NF1: variants seen among roughly 807,000 people sequenced by gnomAD.
NF1 encodes the protein neurofibromin.
In NF1, 122 loss-of-function variants were observed where a neutral mutation model predicts 325.7. The observed-to-expected ratio is 0.37, with a 90% confidence interval of 0.32 to 0.44. NF1 has a LOEUF of 0.44. NF1 is among the 20% of genes least tolerant of loss of function. The probability of loss-of-function intolerance (pLI) is 1.00; values close to 1 mark genes in which losing one functional copy is unlikely to be tolerated. For missense variants in NF1, 2,140 were observed against 3,415.4 expected (o/e 0.63, Z 9.31); for synonymous variants, 1,091 against 1,186.0 (o/e 0.92, Z 1.65).
At chr17:31,332,328 G>C (rs2069522773) in intron 39 of NF1, among the ~76,000 whole-genome samples, 1 of 151,964 alleles carries the variant, frequency 6.6e-6, no homozygotes, top group African/African-American at 2.4e-5. Flanking sequence ...GCCGGGCTCG[G>C]TGGTACATGC....
At chr17:31,108,758 A>T (rs567764519) in intron 1 of NF1, among the ~76,000 whole-genome samples, 3 of 152,300 alleles carry the variant, frequency 2.0e-5, no homozygotes, top group South Asian at 2.1e-4. Flanking sequence ...TATAAAAACA[A>T]CTCAATTAGG....
intron 36 of NF1, among the ~76,000 whole-genome samples, chr17:31,289,902 A>T (rs1018033209): frequency 1.3e-5 from 2 of 150,988 alleles, no homozygotes; most frequent in African/African-American, 4.9e-5. Flanking sequence ...TACCTTCCCC[A>T]TCGTTGGTTT....
At chr17:31,137,071 G>A (rs1046427745) in intron 1 of NF1, 4 of 152,068 alleles carry the variant, frequency 2.6e-5, no homozygotes, top group African/African-American at 9.7e-5. Flanking sequence ...TGACATAATT[G>A]CCTTTATTTT....
intron 8 of NF1, among the ~76,000 whole-genome samples, chr17:31,189,550 C>A (rs1307002621): frequency 6.6e-6 from 1 of 152,130 alleles, no homozygotes; most frequent in Non-Finnish European, 1.5e-5. Flanking sequence ...GCCTCACTCG[C>A]AGCCCTTGGC....
intron 8 of NF1, among the ~76,000 whole-genome samples, chr17:31,199,851 G>A (rs1423377328): frequency 3.3e-5 from 5 of 152,130 alleles, no homozygotes; most frequent in African/African-American, 1.2e-4. Flanking sequence ...ATTCAAAGTT[G>A]AAGGCTAGGT....
chr17:31,224,967 G>T, intron 16 of NF1, 128 bp from the exon 17 acceptor site: 1 of 909,182 alleles, frequency 1.1e-6, no homozygotes, highest in East Asian at 2.4e-5. Context: ...TCTCCTTCAA[G>T]TTGGGGCATA....
chr17:31,267,771 A>G (rs2067817538), intron 36 of NF1, among the ~76,000 whole-genome samples: 1 of 152,138 alleles, frequency 6.6e-6, no homozygotes, highest in Non-Finnish European at 1.5e-5. Flanking sequence ...ATATCTTCAA[A>G]TCAACCTCCT....
In NF1 at chr17:31,374,017, C is replaced by G. The variant is rs1060503890; in HGVS notation, c.8382C>G (p.Ile2794Met). The G allele has an allele frequency of 6.2e-7, 1 of 1,613,964 alleles. No homozygotes were observed. Among genetic ancestry groups the G allele is most frequent in the Non-Finnish European group, 8.5e-7 (1 of 1,179,912 alleles). Residue 2794 changes from isoleucine (I) to methionine (M), a missense_variant, in exon 58 of 58, where the codon ATC becomes ATG. By Grantham distance (10) the Ile-to-Met change is conservative (BLOSUM62 1). Coordinates refer to ENST00000358273, the MANE Select transcript of NF1 (RefSeq NM_001042492.3). ...SLATSQHSPG[I>M]DKENVELSPT... Reference sequence around the variant, plus strand: ...GGCTGTTCTCTTTTTCTCCAGGAATCGACAAGGAGAACGTTGAACTCTCCC... The same window carrying G: ...GGCTGTTCTCTTTTTCTCCAGGAATGGACAAGGAGAACGTTGAACTCTCCC...
chr17:31,138,175 T>A lies in NF1; in HGVS notation c.61-17808T>A, dbSNP rs555484238. The A allele has an allele frequency of 2.0e-5, 3 of 152,134 alleles. No individual in the cohort carries two copies. In the South Asian group the frequency reaches 6.2e-4, roughly 31 times the overall value. The allele number at this position is 152,134 out of a possible 1,614,324, so 9.4% of individuals were successfully genotyped here. A position where few individuals can be genotyped will look rare whatever the true frequency, so the allele number is the denominator to read the frequency against. On this transcript the variant is annotated intron_variant, in intron 1 of 57. Transcript: ENST00000358273. ...TGGAATTGATTACTCATGTAATGTT[T>A]TACATTTTTTTCTTTCATGGTCTTT...
intron 31 of NF1, among the ~76,000 whole-genome samples, chr17:31,258,132 T>A (rs1345614148): frequency 6.6e-6 from 1 of 152,168 alleles, no homozygotes; most frequent in Non-Finnish European, 1.5e-5. Flanking sequence ...TCCTCTGAGA[T>A]ACCTTAATTG....
intron 8 of NF1, among the ~76,000 whole-genome samples, chr17:31,197,751 C>T (rs1163634994): frequency 1.3e-5 from 2 of 152,088 alleles, no homozygotes; most frequent in Admixed American, 6.6e-5. Context: ...TGTGAATAGA[C>T]ATAGTTTTGC....
chr17:31,355,630 G>C (rs1205192622), intron 51 of NF1, among the ~76,000 whole-genome samples: 4 of 152,158 alleles, frequency 2.6e-5, no homozygotes, highest in Non-Finnish European at 5.9e-5. Context: ...CAGGTGGATT[G>C]CTTGAGCCCA....
intron 1 of NF1, among the ~76,000 whole-genome samples, chr17:31,109,051 C>G (rs1913166154): frequency 6.6e-6 from 1 of 152,224 alleles, no homozygotes; most frequent in African/African-American, 2.4e-5. Flanking sequence ...GTGCTAACAA[C>G]TCATGCCTAA....
intron 1 of NF1, among the ~76,000 whole-genome samples, chr17:31,101,070 T>G (rs1056084549): frequency 3.9e-5 from 6 of 152,146 alleles, no homozygotes; most frequent in African/African-American, 1.4e-4. Context: ...ACCAGTCTTT[T>G]TTGTTGTTGT....
intron 29 of NF1, among the ~76,000 whole-genome samples, chr17:31,246,970 G>A (rs565857543): frequency 1.4e-4 from 22 of 152,256 alleles, no homozygotes; most frequent in African/African-American, 5.3e-4. Context: ...GCTGAGGTGG[G>A]CAGATCATAA....
intron 36 of NF1, among the ~76,000 whole-genome samples, chr17:31,275,036 G>T (rs895947260): frequency 1.5e-4 from 23 of 151,876 alleles, no homozygotes; most frequent in Non-Finnish European, 3.2e-4. Flanking sequence ...AGCTCTCCAG[G>T]CCTCTTCATG....
intron 24 of NF1, among the ~76,000 whole-genome samples, chr17:31,231,139 G>C (rs1259714657): frequency 1.3e-5 from 2 of 152,062 alleles, no homozygotes; most frequent in Non-Finnish European, 2.9e-5. Flanking sequence ...GATATGTTTG[G>C]GAAGTTAGTG....
In NF1 at chr17:31,201,388, C is replaced by CT. The variant is rs763903212; in HGVS notation, c.1186-13dup. 9,780 of 1,354,768 alleles carry CT rather than the reference C, an allele frequency of 7.2e-3. No individual in the cohort carries two copies. The highest frequency in any genetic ancestry group is 7.9e-3 in the Non-Finnish European group (7,785 of 984,550). 83.9% of individuals were successfully genotyped at this position (1,354,768 alleles called of 1,614,324 possible). On this transcript the variant is annotated intron_variant, in intron 10 of 57. Coordinates refer to ENST00000358273, the MANE Select transcript of NF1 (RefSeq NM_001042492.3). ...GTATTTTTCTCATAGAAATAATCTG[C>CT]TTTTTTTTTTCTTTTTCTATAGATC... is the stretch of plus-strand genomic sequence containing the variant.
At chr17:31,248,058 C>T (rs867539497) in intron 29 of NF1, among the ~76,000 whole-genome samples, 1 of 152,082 alleles carries the variant, frequency 6.6e-6, no homozygotes, top group African/African-American at 2.4e-5. Flanking sequence ...TAAAATTAGC[C>T]GGGCGTGGTG....
Sources: gnomAD v4.1 joint callset for allele counts (sites outside exome capture counted in the v4.1 genomes callset) on GRCh38, gnomAD v4.1.1 for gene constraint, MANE v1.5 for transcripts, NCBI Gene and HGNC (gene_info 2026-07-23, HGNC 2026-07-21) for gene names.